The following MYO1D variants were observed in gnomAD, a reference collection of about 807,000 sequenced individuals.
MYO1D encodes the protein myosin ID.
A neutral mutation model predicts 122.0 loss-of-function variants in MYO1D; 83 were observed. The observed-to-expected ratio is 0.68, with a 90% confidence interval of 0.57 to 0.82. MYO1D has a LOEUF of 0.82. Ranked by LOEUF, MYO1D falls within the 40% of genes least tolerant of loss-of-function variation. The pLI is 0.00. For missense variants in MYO1D, 1,157 were observed against 1,269.5 expected (o/e 0.91, Z 1.35); for synonymous variants, 464 against 446.9 (o/e 1.04, Z -0.48).
At chr17:32,692,084 T>G (rs2089110185) in intron 16 of MYO1D, among the ~76,000 whole-genome samples, 1 of 152,230 alleles carries the variant, frequency 6.6e-6, no homozygotes, top group South Asian at 2.1e-4. Context: ...GTTGCTGAAA[T>G]TTTTAAAAAT....
chr17:32,834,523 A>G (rs1332692074), intron 1 of MYO1D, among the ~76,000 whole-genome samples: 1 of 152,124 alleles, frequency 6.6e-6, no homozygotes, highest in Non-Finnish European at 1.5e-5. Flanking sequence ...AGACCTCTTG[A>G]GTCTACCTGA....
At position 32,778,488 on chromosome 17, in the gene MYO1D, C is replaced by G. The variant is rs762732912; in HGVS notation, c.390G>C (p.Glu130Asp). 6.2e-7 allele frequency: 1 copy of G among 1,612,908 alleles called. No individual in the cohort carries two copies. Among genetic ancestry groups the G allele is most frequent in the South Asian group, 1.1e-5 (1 of 91,038 alleles). Residue 130 changes from glutamate to aspartate, a missense_variant, in exon 3 of 22, where the codon GAG becomes GAC. Physicochemically the swap from Glu to Asp is conservative, Grantham distance 45 (BLOSUM62 2). Coordinates refer to ENST00000318217, the MANE Select transcript of MYO1D (RefSeq NM_015194.3). The stretch of plus-strand genomic sequence containing the variant: ...TATTAGAGTGCTCTTACCTTTCAAC[C>G]TCTGCTCTCTGACTGGGGTTGGTGA... ...AAITNPSQRA[E>D]VERVKNMLLK...
At chr17:32,558,134 A>T (rs1282442574) in intron 21 of MYO1D, among the ~76,000 whole-genome samples, 1 of 152,122 alleles carries the variant, frequency 6.6e-6, no homozygotes, top group African/African-American at 2.4e-5. Flanking sequence ...GTCTAGTTTA[A>T]AACAGTTTGT....
At chr17:32,585,031 G>A (rs1347528256) in intron 21 of MYO1D, among the ~76,000 whole-genome samples, 7 of 152,180 alleles carry the variant, frequency 4.6e-5, no homozygotes, top group Non-Finnish European at 1.0e-4. Flanking sequence ...CATCAAAGAA[G>A]CCTCAGATGT....
chr17:32,620,948 T>A (rs2087848077), intron 20 of MYO1D, among the ~76,000 whole-genome samples: 2 of 152,180 alleles, frequency 1.3e-5, no homozygotes, highest in South Asian at 4.1e-4. Flanking sequence ...GAACCAGAAA[T>A]CTTTTAGAGT....
intron 16 of MYO1D, among the ~76,000 whole-genome samples, chr17:32,687,641 C>T (rs1273153876): frequency 6.6e-6 from 1 of 152,168 alleles, no homozygotes; most frequent in African/African-American, 2.4e-5. Context: ...CTGTGCCTGG[C>T]CCAGTTGGGA....
At chr17:32,603,691 A>C (rs1163565093) in intron 21 of MYO1D, among the ~76,000 whole-genome samples, 2 of 151,710 alleles carry the variant, frequency 1.3e-5, no homozygotes, top group Non-Finnish European at 2.9e-5. Flanking sequence ...AAGCCCAGCT[A>C]ATTTTTTGTA....
At chr17:32,682,621 G>T (rs1204382953) in intron 16 of MYO1D, among the ~76,000 whole-genome samples, 3 of 145,892 alleles carry the variant, frequency 2.1e-5, no homozygotes, top group Non-Finnish European at 4.5e-5. Context: ...CGAGAGATCA[G>T]CTGTTAGTCT....
intron 16 of MYO1D, among the ~76,000 whole-genome samples, chr17:32,700,076 T>C (rs1398260400): frequency 6.6e-6 from 1 of 152,152 alleles, no homozygotes; most frequent in Non-Finnish European, 1.5e-5. Context: ...TAAACAACTT[T>C]CAGGGAAAGA....
intron 16 of MYO1D, among the ~76,000 whole-genome samples, chr17:32,661,108 C>T (rs1467632580): frequency 2.0e-5 from 3 of 152,048 alleles, no homozygotes; most frequent in Non-Finnish European, 4.4e-5. Flanking sequence ...TAAGTAAGTA[C>T]TTTTTAAGCA....
At chr17:32,570,465 T>C (rs1444697967) in intron 21 of MYO1D, among the ~76,000 whole-genome samples, 1 of 151,962 alleles carries the variant, frequency 6.6e-6, no homozygotes, top group Non-Finnish European at 1.5e-5. Context: ...TCCAGGTTCA[T>C]GCCATTCTCC....
chr17:32,792,295 T>C (rs1326462325), intron 1 of MYO1D, among the ~76,000 whole-genome samples: 1 of 152,230 alleles, frequency 6.6e-6, no homozygotes, highest in Non-Finnish European at 1.5e-5. Context: ...AATTTAAACT[T>C]CTGCTTATAA....
intron 10 of MYO1D, among the ~76,000 whole-genome samples, chr17:32,757,309 T>C (rs1417316916): frequency 6.6e-6 from 1 of 152,080 alleles, no homozygotes. Flanking sequence ...TAGGGGGAAT[T>C]TTGCTCACCA....
chr17:32,711,917 A>G, intron 16 of MYO1D, 71 bp downstream of exon 16: 2 of 1,273,102 alleles, frequency 1.6e-6, no homozygotes, highest in East Asian at 2.6e-5. Context: ...CTTGAATTAA[A>G]GAAAATATGC....
At chr17:32,818,753 T>C (rs945623279) in intron 1 of MYO1D, among the ~76,000 whole-genome samples, 6 of 152,216 alleles carry the variant, frequency 3.9e-5, no homozygotes, top group Admixed American at 3.3e-4. Context: ...AAGGGTATTA[T>C]ATCACATAAG....
At chr17:32,756,775 G>C (rs1169251003) in intron 10 of MYO1D, among the ~76,000 whole-genome samples, 1 of 152,188 alleles carries the variant, frequency 6.6e-6, no homozygotes, top group South Asian at 2.1e-4. Context: ...ATCTATAAAA[G>C]ATAAGAAAAA....
At chr17:32,792,100 T>C (rs1316047969) in intron 1 of MYO1D, among the ~76,000 whole-genome samples, 3 of 152,252 alleles carry the variant, frequency 2.0e-5, no homozygotes, top group Non-Finnish European at 2.9e-5. Flanking sequence ...TCAGTCCCTA[T>C]TGGACATTTA....
chr17:32,663,017 A>G (rs1468885176), intron 16 of MYO1D, among the ~76,000 whole-genome samples: 2 of 149,854 alleles, frequency 1.3e-5, no homozygotes, highest in Non-Finnish European at 3.0e-5. Flanking sequence ...TCCTGGGTTC[A>G]CGCCATTCTC....
intron 21 of MYO1D, among the ~76,000 whole-genome samples, chr17:32,602,216 G>A (rs2150911219): frequency 6.6e-6 from 1 of 152,236 alleles, no homozygotes; most frequent in South Asian, 2.1e-4. Flanking sequence ...TACAATGTCT[G>A]TATCTGCTAA....
Sources: allele counts gnomAD v4.1 joint callset (sites outside exome capture counted in the v4.1 genomes callset), GRCh38; gene constraint gnomAD v4.1.1; transcripts MANE v1.5; gene names NCBI Gene and HGNC (gene_info 2026-07-23, HGNC 2026-07-21).